Variants in RYR2 observed in about 807,000 individuals in gnomAD.
The protein encoded by RYR2 is cardiac muscle ryanodine receptor-calcium release channel.
A neutral mutation model predicts 601.1 loss-of-function variants in RYR2; 227 were observed. The ratio of observed to expected loss-of-function variants is 0.38; its 90% CI spans 0.34 to 0.42. The LOEUF (loss-of-function observed/expected upper bound fraction) is 0.42. RYR2 is among the 10% of genes least tolerant of loss of function. The pLI is 1.00. For missense variants in RYR2, 4,646 were observed against 6,156.5 expected (o/e 0.75, Z 8.21); for synonymous variants, 2,223 against 2,175.1 (o/e 1.02, Z -0.61).
intron 1 of RYR2, 83 bp downstream of exon 1, chr1:237,042,652 G>T (rs1036626923): frequency 9.8e-6 from 12 of 1,221,930 alleles, no homozygotes; most frequent in Non-Finnish European, 1.2e-5. Context: ...AGTGACAGCG[G>T]GCAGCGGGGA....
At chr1:237,714,587 A>T (rs1689104209) in intron 71 of RYR2, among the ~76,000 whole-genome samples, 2 of 152,142 alleles carry the variant, frequency 1.3e-5, no homozygotes, top group South Asian at 4.1e-4. Flanking sequence ...TTAAATTTAA[A>T]GCTATTTTCT....
At position 237,063,583 on chromosome 1, in the gene RYR2, T is replaced by TACAC. The variant is rs566333200; in HGVS notation, c.48+21026_48+21029dup. ...CTCTTCTGGCTATGTATTTTAATTCTACACACACACACACATACACACTCT... is the reference window on the plus strand; with the variant it reads ...CTCTTCTGGCTATGTATTTTAATTCTACACACACACACACACACATACACACTCT... On this transcript the variant is annotated intron_variant, in intron 1 of 104. Transcript: ENST00000366574. Among the ~76,000 whole-genome samples, 1,029 of 151,236 alleles carry TACAC rather than the reference T, an allele frequency of 6.8e-3. 8 individuals carry two copies. Among genetic ancestry groups the TACAC allele is most frequent in the African/African-American group, 0.024 (968 of 41,048 alleles).
chr1:237,270,360 TG>T, intron 1 of RYR2, 136 bp from the exon 2 acceptor site: 1 of 1,262,162 alleles, frequency 7.9e-7, no homozygotes, highest in Non-Finnish European at 1.1e-6. Context: ...TTCTTTTGGT[TG>T]TTTTTTTGAC....
chr1:237,513,325 T>C (rs1666100072), intron 24 of RYR2, among the ~76,000 whole-genome samples: 1 of 152,258 alleles, frequency 6.6e-6, no homozygotes, highest in African/African-American at 2.4e-5. Flanking sequence ...TTTGTTCCAA[T>C]AGGTCACTTA....
intron 47 of RYR2, among the ~76,000 whole-genome samples, chr1:237,641,368 A>T (rs1681453960): frequency 6.6e-6 from 1 of 152,172 alleles, no homozygotes; most frequent in South Asian, 2.1e-4. Context: ...TCTTTTGTGT[A>T]TTTAGCTCTA....
chr1:237,694,293 CAAAAAA>C (rs35085689), intron 63 of RYR2, among the ~76,000 whole-genome samples: 3 of 91,920 alleles, frequency 3.3e-5, no homozygotes, highest in East Asian at 2.7e-4. Context: ...GACTCCCTCT[CAAAAAA>C]AAAAAAAAAA....
intron 1 of RYR2, among the ~76,000 whole-genome samples, chr1:237,219,398 G>A (rs1683549389): frequency 6.6e-6 from 1 of 152,168 alleles, no homozygotes; most frequent in South Asian, 2.1e-4. Flanking sequence ...ACGTGTCAAT[G>A]TCTGGAGGAC....
intron 10 of RYR2, among the ~76,000 whole-genome samples, chr1:237,403,746 A>C (rs751418034): frequency 2.6e-4 from 39 of 152,190 alleles, no homozygotes; most frequent in Non-Finnish European, 2.5e-4. Flanking sequence ...TTTTAGACAA[A>C]GTTGAGGGAA....
At chr1:237,612,385 C>T (rs60659800) in intron 36 of RYR2, among the ~76,000 whole-genome samples, 10,954 of 152,098 alleles carry the variant, frequency 0.072, 479 homozygotes, top group African/African-American at 0.13. Flanking sequence ...TATACATAAA[C>T]TATTAAATTA....
intron 12 of RYR2, among the ~76,000 whole-genome samples, chr1:237,431,862 G>T (rs1235547063): frequency 6.6e-6 from 1 of 152,126 alleles, no homozygotes; most frequent in Non-Finnish European, 1.5e-5. Flanking sequence ...CTTTGCACCA[G>T]TATTTATTCT....
intron 16 of RYR2, among the ~76,000 whole-genome samples, chr1:237,468,796 T>C (rs745705179): frequency 6.6e-6 from 1 of 152,194 alleles, no homozygotes. Context: ...GTGAGGGAAC[T>C]CCCAGGAGAC....
chr1:237,735,197 T>C (rs1283715774), intron 79 of RYR2, among the ~76,000 whole-genome samples: 1 of 152,210 alleles, frequency 6.6e-6, no homozygotes, highest in African/African-American at 2.4e-5. Flanking sequence ...GAACAGCTTC[T>C]GCGGTTTGTG....
intron 62 of RYR2, among the ~76,000 whole-genome samples, chr1:237,682,297 T>C (rs920480292): frequency 6.6e-6 from 1 of 152,092 alleles, no homozygotes; most frequent in Non-Finnish European, 1.5e-5. Flanking sequence ...AAATCAGAGG[T>C]ACATCGCTAT....
chr1:237,118,818 A>G (rs1670432451), intron 1 of RYR2, among the ~76,000 whole-genome samples: 1 of 152,070 alleles, frequency 6.6e-6, no homozygotes. Flanking sequence ...TATTCTCCTT[A>G]TTAACAATAT....
intron 2 of RYR2, among the ~76,000 whole-genome samples, chr1:237,281,598 A>T (rs1288039690): frequency 1.3e-5 from 2 of 152,230 alleles, no homozygotes; most frequent in African/African-American, 4.8e-5. Flanking sequence ...GGCTGTGCTT[A>T]CAAAGTGCGT....
At chr1:237,564,766 C>A (rs1671798115) in intron 27 of RYR2, among the ~76,000 whole-genome samples, 1 of 152,154 alleles carries the variant, frequency 6.6e-6, no homozygotes, top group Admixed American at 6.5e-5. Flanking sequence ...GAAGGGTTAG[C>A]CAGCAGATTC....
At chr1:237,606,335 T>A (rs1180282763) in intron 35 of RYR2, among the ~76,000 whole-genome samples, 1 of 152,174 alleles carries the variant, frequency 6.6e-6, no homozygotes, top group Admixed American at 6.5e-5. Flanking sequence ...CCCTATTTAA[T>A]AAATGGTGCT....
chr1:237,614,955 T>A lies in RYR2; in HGVS notation c.5715+112T>A. On this transcript the variant is annotated intron_variant, in intron 37 of 104. Coordinates refer to ENST00000366574, the MANE Select transcript of RYR2 (RefSeq NM_001035.3). This position sits in a 1 kb window ranked among gnomAD's most constrained non-coding sequence, Gnocchi z 4.3. ...GTGTTTATTTCTTTGCATTCCTGTG[T>A]AATGGTAGTTCTTCATAAAATTAAC... 9.3e-7 allele frequency: 1 copy of A among 1,073,044 alleles called. No homozygotes were observed. The highest frequency in any genetic ancestry group is 1.3e-6 in the Non-Finnish European group (1 of 762,640). The allele number at this position is 1,073,044 out of a possible 1,614,324, so 66.5% of individuals were successfully genotyped here.
chr1:237,601,952 T>TG (rs1200914514), intron 34 of RYR2, 73 bp from the exon 35 acceptor site: 3 of 1,250,684 alleles, frequency 2.4e-6, no homozygotes, highest in Non-Finnish European at 3.4e-6. Flanking sequence ...ATTCCTTTGT[T>TG]GTTATAAAGA....
Sources: gnomAD v4.1 joint callset for allele counts (sites outside exome capture counted in the v4.1 genomes callset) on GRCh38, gnomAD v4.1.1 for gene constraint, Gnocchi (gnomAD v3.1) non-coding constraint, MANE v1.5 for transcripts, NCBI Gene and HGNC (gene_info 2026-07-23, HGNC 2026-07-21) for gene names.